The following RABGAP1 variants were observed in gnomAD, a reference collection of about 807,000 sequenced individuals.
The protein encoded by RABGAP1 is rab GTPase-activating protein 1.
A neutral mutation model predicts 137.6 loss-of-function variants in RABGAP1; 23 were observed. The observed-to-expected ratio is 0.17, with a 90% CI of 0.12 to 0.24. The LOEUF (loss-of-function observed/expected upper bound fraction) is 0.24. Among genes scored for constraint, RABGAP1 ranks in the 10% least tolerant of loss-of-function variants. The pLI, the probability that RABGAP1 is intolerant of heterozygous loss-of-function variation, is 1.00. For missense variants in RABGAP1, 906 were observed against 1,275.8 expected, an observed-to-expected ratio of 0.71 and a Z score of 4.42; for synonymous variants, 451 against 450.7, an observed-to-expected ratio of 1.00 and a Z score of -0.01.
At chr9:122,950,955 A>G (rs1834213337) in intron 1 of RABGAP1, among the ~76,000 whole-genome samples, 1 of 152,210 alleles carries the variant, frequency 6.6e-6, no homozygotes, top group South Asian at 2.1e-4. Flanking sequence ...GAATAAGAAA[A>G]TGGCCAGCAT....
chr9:123,089,068 A>G (rs1011133494), intron 19 of RABGAP1, among the ~76,000 whole-genome samples: 4 of 88,862 alleles, frequency 4.5e-5, no homozygotes, highest in African/African-American at 1.0e-4. Flanking sequence ...TGGGTAAGAA[A>G]AGGCTTGAGA....
At chr9:122,974,683 A>G (rs1240569946) in intron 2 of RABGAP1, among the ~76,000 whole-genome samples, 3 of 152,148 alleles carry the variant, frequency 2.0e-5, no homozygotes, top group African/African-American at 4.8e-5. Flanking sequence ...TACTTAGTGA[A>G]ACAGTTGTAA....
chr9:122,934,039 G>A, the RABGAP1 span, among the ~76,000 whole-genome samples: 1 of 151,774 alleles, frequency 6.6e-6, no homozygotes, highest in Non-Finnish European at 1.5e-5. Context: ...GCGGTTGTAA[G>A]CCACTGTACC....
intron 13 of RABGAP1, among the ~76,000 whole-genome samples, chr9:123,057,130 C>T (rs1455851239): frequency 3.4e-5 from 5 of 148,648 alleles, no homozygotes; most frequent in East Asian, 2.1e-4. Context: ...CCCTCCCGGA[C>T]GGGGCGGCTG....
chr9:123,093,239 A>G (rs573377779), intron 21 of RABGAP1, among the ~76,000 whole-genome samples: 22 of 152,276 alleles, frequency 1.4e-4, no homozygotes, highest in African/African-American at 5.3e-4. Context: ...TTTGTTATTC[A>G]TCACCTGTCA....
In RABGAP1 at chr9:122,943,539, A is replaced by T. The variant is rs140757676; in HGVS notation, c.-50+2446A>T. Among the ~76,000 whole-genome samples, 102 of 152,330 alleles carry T rather than the reference A, an allele frequency of 6.7e-4. No individual in the cohort carries two copies. In the East Asian group the frequency reaches 9.8e-3, roughly 15 times the overall value. ...TTGTAGTAATGTAGTGGGAACAGAG[A>T]CACCTGTTTCCTACCTTTTCTGCTG... is the stretch of plus-strand genomic sequence containing the variant. On this transcript the variant is annotated intron_variant, in intron 1 of 25. Transcript: ENST00000373647.
chr9:123,035,100 T>C, intron 13 of RABGAP1: 1 of 1,614,182 alleles, frequency 6.2e-7, no homozygotes, highest in East Asian at 2.2e-5. Context: ...GAGATGTGTT[T>C]CAGTGGTGTG....
Position 123,103,044 on chromosome 9 carries a change from C to T in RABGAP1, c.3088-47C>T, listed in dbSNP as rs767222681. The stretch of plus-strand genomic sequence containing the variant: ...TGGTTCTCCTCTGGGGAGCCAGTGT[C>T]ATTGACACCAAGCCCAGCATCCTCA... On this transcript the variant is annotated intron_variant, in intron 25 of 25. Transcript: ENST00000373647. 3 of 1,598,244 alleles carry T rather than the reference C, an allele frequency of 1.9e-6. No homozygotes were observed. The South Asian group carries it at 3.4e-5, about 18-fold the overall frequency.
chr9:123,055,669 C>G (rs1023151161), intron 13 of RABGAP1, among the ~76,000 whole-genome samples: 1 of 151,394 alleles, frequency 6.6e-6, no homozygotes, highest in African/African-American at 2.4e-5. Flanking sequence ...TCTGCCTCAG[C>G]CTCCTGAGTA....
intron 5 of RABGAP1, chr9:122,989,818 T>G: frequency 2.0e-6 from 1 of 509,220 alleles, no homozygotes. Flanking sequence ...TCTAACAATT[T>G]AGGAAGTGAT....
At chr9:123,063,150 A>G (rs2034043138) in intron 13 of RABGAP1, 2 of 152,420 alleles carry the variant, frequency 1.3e-5, no homozygotes, top group African/African-American at 4.8e-5. Context: ...AATCAGTGTG[A>G]TATGATTGAT....
chr9:122,990,309 T>A, intron 6 of RABGAP1, 96 bp downstream of exon 6: 1 of 1,099,016 alleles, frequency 9.1e-7, no homozygotes, highest in Non-Finnish European at 1.2e-6. Context: ...TGATGGCTTT[T>A]AAAGGGAGGG....
intron 13 of RABGAP1, among the ~76,000 whole-genome samples, chr9:123,025,543 C>CATTTTTT (rs2031904696): frequency 1.3e-5 from 1 of 74,998 alleles, no homozygotes; most frequent in Non-Finnish European, 2.7e-5. Flanking sequence ...TCTTTCTTTT[C>CATTTTTT]TTTTTTTTTT....
chr9:123,099,706 C>A (rs1374165863), intron 24 of RABGAP1, among the ~76,000 whole-genome samples, 157 bp downstream of exon 24: 1 of 152,248 alleles, frequency 6.6e-6, no homozygotes, highest in East Asian at 1.9e-4. Context: ...ACAACTAACA[C>A]TACGCCTGTT....
intron 2 of RABGAP1, among the ~76,000 whole-genome samples, chr9:122,969,370 G>A (rs1044619943): frequency 2.0e-5 from 3 of 152,164 alleles, no homozygotes; most frequent in Admixed American, 1.3e-4. Context: ...GTTAAGTGAT[G>A]CATGATTGTG....
intron 13 of RABGAP1, among the ~76,000 whole-genome samples, chr9:123,056,535 T>G: frequency 6.7e-6 from 1 of 148,352 alleles, no homozygotes. Flanking sequence ...CAGAGTGGGA[T>G]TTGGCAGGGT....
At chr9:123,092,613 A>G (rs931718155) in intron 21 of RABGAP1, among the ~76,000 whole-genome samples, 5 of 148,714 alleles carry the variant, frequency 3.4e-5, no homozygotes, top group South Asian at 4.6e-4. Context: ...ACAAGGAGCT[A>G]TGAATCAATG....
chr9:123,061,406 C>T (rs10985878), intron 13 of RABGAP1, among the ~76,000 whole-genome samples: 313 of 152,324 alleles, frequency 2.1e-3, no homozygotes, highest in African/African-American at 7.3e-3. Context: ...TGAGCTACTG[C>T]GCCTGGCATG....
chr9:123,101,418 C>A, intron 24 of RABGAP1, 148 bp from the exon 25 acceptor site: 1 of 620,796 alleles, frequency 1.6e-6, no homozygotes, highest in Non-Finnish European at 2.6e-6. Context: ...AGTAGGTTAT[C>A]TGCCAGTTTA....
Sources: gnomAD v4.1 joint callset for allele counts (sites outside exome capture counted in the v4.1 genomes callset) on GRCh38, gnomAD v4.1.1 for gene constraint, MANE v1.5 for transcripts, NCBI Gene and HGNC (gene_info 2026-07-23, HGNC 2026-07-21) for gene names.